The following PLEKHG7 variants were observed in gnomAD, a reference collection of about 807,000 sequenced individuals.
The protein encoded by PLEKHG7 is pleckstrin homology domain-containing family G member 7.
PLEKHG7 carries 77 observed loss-of-function variants against 85.2 expected under a neutral mutation model. The ratio of observed to expected loss-of-function variants is 0.90; its 90% CI spans 0.75 to 1.09. The LOEUF (loss-of-function observed/expected upper bound fraction) is 1.09. PLEKHG7 is among the 50% of genes least tolerant of loss of function. The pLI is 0.00. For missense variants in PLEKHG7, 777 were observed against 804.3 expected (o/e 0.97, Z 0.41); for synonymous variants, 301 against 302.4 (o/e 1.00, Z 0.05).
Position 92,754,145 on chromosome 12 carries a change from C to T in PLEKHG7, c.1307C>T (p.Ala436Val). The T allele has an allele frequency of 6.2e-7, 1 of 1,613,902 alleles. No homozygotes were observed. Among genetic ancestry groups the T allele is most frequent in the Admixed American group, 1.7e-5 (1 of 60,018 alleles). The change falls in exon 11 of 17, where the codon GCC becomes GTC. Residue 436 changes from alanine to valine, a missense_variant. Physicochemically the swap from Ala to Val is moderately conservative, Grantham distance 64. Around this residue, in one of 3 missense-constraint regions of PLEKHG7, gnomAD observed 520 missense variants for 544.0 expected, o/e 0.96. Coordinates refer to ENST00000344636, the MANE Select transcript of PLEKHG7 (RefSeq NM_001377329.1). Reference sequence around the variant, plus strand: ...CTCCACGTGCCAGAGCTGCTAGTGGCCCCACTACAGAGGCTCACTCGATAT... The same window carrying T: ...CTCCACGTGCCAGAGCTGCTAGTGGTCCCACTACAGAGGCTCACTCGATAT... ...RRLHVPELLV[A>V]PLQRLTRYPL... is the part of the protein sequence containing the mutation.
rs1053193324 is a variant in PLEKHG7, at chr12:92,772,352, G to C, written c.*2157G>C. The C allele has an allele frequency of 6.6e-6, 1 of 151,618 alleles. No individual in the cohort carries two copies. Among genetic ancestry groups the C allele is most frequent in the Non-Finnish European group, 1.5e-5 (1 of 67,760 alleles). The allele number at this position is 151,618 out of a possible 1,614,324, so 9.4% of individuals were successfully genotyped here. ...GCATTAATAATTTCTCTTGAGATCAGGAATTTAATTACTATTCGAAATTGA... is the reference window on the plus strand; with the variant it reads ...GCATTAATAATTTCTCTTGAGATCACGAATTTAATTACTATTCGAAATTGA... On this transcript the variant is annotated 3_prime_UTR_variant, in exon 17 of 17. Transcript: ENST00000344636.
At chr12:92,732,525 A>G (rs1463536913) in intron 5 of PLEKHG7, among the ~76,000 whole-genome samples, 2 of 152,224 alleles carry the variant, frequency 1.3e-5, no homozygotes, top group African/African-American at 4.8e-5. Context: ...CAATCCTAAT[A>G]TAGTGATGCT....
intron 3 of PLEKHG7, among the ~76,000 whole-genome samples, chr12:92,711,157 C>T (rs766798134): frequency 6.6e-6 from 1 of 152,212 alleles, no homozygotes; most frequent in African/African-American, 2.4e-5. Flanking sequence ...AAGTTCTGCC[C>T]ACTGGGAAGA....
chr12:92,739,447 G>C (rs1055374642), intron 7 of PLEKHG7, among the ~76,000 whole-genome samples: 2 of 152,180 alleles, frequency 1.3e-5, no homozygotes, highest in African/African-American at 4.8e-5. Context: ...AACAATAAAT[G>C]TTCACCGCAG....
At position 92,756,368 on chromosome 12, in the gene PLEKHG7, A is replaced by G. The variant is rs1872831578; in HGVS notation, c.1613A>G (p.Tyr538Cys). 8 of 1,611,824 alleles carry G rather than the reference A, an allele frequency of 5.0e-6. No individual in the cohort carries two copies. The highest frequency in any genetic ancestry group is 6.8e-6 in the Non-Finnish European group (8 of 1,177,982). Reference sequence around the variant, plus strand: ...TCACCAACCAGCAGACACCTTCTCTATGAAGGAAAATTAACTCTTGCAGGT... The same window carrying G: ...TCACCAACCAGCAGACACCTTCTCTGTGAAGGAAAATTAACTCTTGCAGGT... ...ILSPTSRHLL[Y>C]EGKLTLAEST... is the part of the protein sequence containing the mutation. The change falls in exon 13 of 17, where the codon TAT (tyrosine) becomes TGT (cysteine). Residue 538 changes from tyrosine to cysteine, a missense_variant. Transcript: ENST00000344636.
rs1454645291 is a variant in PLEKHG7 at position 92,732,246 on chromosome 12, A to C, written c.672A>C (p.Pro224=). Residue 224 remains proline, a synonymous_variant, in exon 5 of 17, where the codon CCA becomes CCC. Transcript: ENST00000344636. The part of the protein sequence containing the change: ...LLLLNSESKK[P]RWPFSKRGVG... ...AATTTCACCCAGAATCCAAAAAGCC[A>C]AGATGGCCTTTCTCCAAAAGAGGAG... 15 of 1,231,446 alleles carry C rather than the reference A, an allele frequency of 1.2e-5. No individual in the cohort carries two copies. The highest frequency in any genetic ancestry group is 1.5e-5 in the Non-Finnish European group (15 of 987,466). 76.3% of individuals were successfully genotyped at this position (1,231,446 alleles called of 1,614,324 possible).
At chr12:92,767,718 C>G (rs1873248544) in intron 15 of PLEKHG7, among the ~76,000 whole-genome samples, 3 of 152,110 alleles carry the variant, frequency 2.0e-5, no homozygotes, top group Admixed American at 1.3e-4. Flanking sequence ...CTGAAAGAAG[C>G]CCAACAGCCC....
intron 10 of PLEKHG7, among the ~76,000 whole-genome samples, chr12:92,750,865 T>A (rs903353228): frequency 3.9e-5 from 6 of 152,080 alleles, no homozygotes; most frequent in Non-Finnish European, 7.4e-5. Context: ...CTAGCCACAC[T>A]GGAGTCTGAG....
chr12:92,761,520 A>G (rs1872987284), intron 13 of PLEKHG7, among the ~76,000 whole-genome samples: 1 of 147,088 alleles, frequency 6.8e-6, no homozygotes, highest in Non-Finnish European at 1.5e-5. Context: ...TTTGTTTTCT[A>G]AGGAATTCAT....
At chr12:92,714,068 G>T (rs1392130959) in intron 3 of PLEKHG7, among the ~76,000 whole-genome samples, 2 of 152,150 alleles carry the variant, frequency 1.3e-5, no homozygotes, top group African/African-American at 4.8e-5. Flanking sequence ...CTCCTCATGG[G>T]TCACACTCTC....
intron 16 of PLEKHG7, among the ~76,000 whole-genome samples, chr12:92,769,772 C>A (rs908803652): frequency 6.6e-6 from 1 of 152,162 alleles, no homozygotes; most frequent in Non-Finnish European, 1.5e-5. Context: ...CCAGCAATGC[C>A]ACTTTCAAAC....
At position 92,722,065 on chromosome 12, in the gene PLEKHG7, TAA is replaced by T. The variant is rs111491859; in HGVS notation, c.531-6916_531-6915del. 1.4e-3 allele frequency among the ~76,000 whole-genome samples: 200 copies of T among 142,790 alleles called. 2 individuals carry two copies. The highest frequency in any genetic ancestry group is 4.3e-3 in the African/African-American group (167 of 39,256). The allele number at this position is 142,790 out of a possible 152,430, so 93.7% of individuals were successfully genotyped here. On this transcript the variant is annotated intron_variant, in intron 3 of 16. Transcript: ENST00000344636. ...AATCCTGCATGAATGCCACATTTATTAAAAAAAAAAAAACCCTAATATTTAGA... is the reference window on the plus strand; with the variant it reads ...AATCCTGCATGAATGCCACATTTATTAAAAAAAAAAACCCTAATATTTAGA...
chr12:92,745,425 C>T (rs1872506120), intron 9 of PLEKHG7, 53 bp from the exon 10 acceptor site: 1 of 1,212,480 alleles, frequency 8.2e-7, no homozygotes, highest in African/African-American at 1.5e-5. Flanking sequence ...TTTCAGGGCT[C>T]AATGCTCTCC....
At chr12:92,730,394 G>T (rs1181657700) in intron 4 of PLEKHG7, among the ~76,000 whole-genome samples, 1 of 152,226 alleles carries the variant, frequency 6.6e-6, no homozygotes. Flanking sequence ...TCCCGAACTA[G>T]CAGCTTTGCC....
Position 92,761,738 on chromosome 12 carries a change from C to CT in PLEKHG7, c.1637-7dup, listed in dbSNP as rs774482413. 2.7e-5 allele frequency: 42 copies of CT among 1,553,830 alleles called. No individual in the cohort carries two copies. The highest frequency in any genetic ancestry group is 3.4e-5 in the Non-Finnish European group (39 of 1,158,740). ...GTTTCAGGTCCCCATTTCAGCTTCT[C>CT]TTTTTTTCCTCAGAAAGCACGAGAT... On this transcript the variant is annotated splice_polypyrimidine_tract_variant and intron_variant, in intron 13 of 16. Transcript: ENST00000344636.
At chr12:92,720,892 G>C (rs1592675103) in intron 3 of PLEKHG7, among the ~76,000 whole-genome samples, 1 of 152,168 alleles carries the variant, frequency 6.6e-6, no homozygotes, top group East Asian at 1.9e-4. Context: ...CATTAAAATA[G>C]TTGGTAGTCT....
intron 15 of PLEKHG7, among the ~76,000 whole-genome samples, chr12:92,766,896 T>G (rs1873217035): frequency 6.6e-6 from 1 of 152,222 alleles, no homozygotes; most frequent in Admixed American, 6.5e-5. Flanking sequence ...TACCATCTCT[T>G]GTTCCTTTTA....
intron 11 of PLEKHG7, among the ~76,000 whole-genome samples, chr12:92,754,836 T>A (rs1872782291): frequency 6.6e-6 from 1 of 152,114 alleles, no homozygotes; most frequent in African/African-American, 2.4e-5. Context: ...AAAACCAAGA[T>A]TTTCCTCGTG....
chr12:92,717,322 T>C (rs1280197712), intron 3 of PLEKHG7, among the ~76,000 whole-genome samples: 2 of 152,204 alleles, frequency 1.3e-5, no homozygotes, highest in Non-Finnish European at 2.9e-5. Context: ...AAGTATTAAA[T>C]GCCAGTAAAA....
Sources: allele counts gnomAD v4.1 joint callset (sites outside exome capture counted in the v4.1 genomes callset), GRCh38; gene constraint gnomAD v4.1.1; regional missense constraint gnomAD v4.1.1; transcripts MANE v1.5; gene names NCBI Gene and HGNC (gene_info 2026-07-23, HGNC 2026-07-21).